The following PMM2 variants were observed in gnomAD, a reference collection of about 807,000 sequenced individuals.
PMM2 encodes phosphomannomutase 2.
Under a neutral mutation model 33.2 loss-of-function variants are expected in PMM2, and 35 were observed. That is an observed-to-expected ratio of 1.06 (90% CI 0.81 to 1.40). PMM2 has a LOEUF of 1.40. Ranked by LOEUF, PMM2 falls within the 40% of genes most tolerant of loss-of-function variation. The probability of loss-of-function intolerance (pLI) is 0.00; values close to 1 mark genes in which losing one functional copy is unlikely to be tolerated. For missense variants in PMM2, 386 were observed against 306.0 expected (o/e 1.26, Z -1.95); for synonymous variants, 153 against 114.7 (o/e 1.33, Z -2.13).
intron 7 of PMM2, chr16:8,832,696 T>C (rs2060817872): frequency 3.0e-6 from 3 of 985,324 alleles, no homozygotes; most frequent in Non-Finnish European, 3.6e-6. Flanking sequence ...AGAAAGATCC[T>C]GTTGTAAAGT....
intron 7 of PMM2, among the ~76,000 whole-genome samples, chr16:8,839,536 TAAAC>T (rs1043390460): frequency 6.6e-6 from 1 of 151,942 alleles, no homozygotes; most frequent in African/African-American, 2.4e-5. Context: ...TGGGTAAAAG[TAAAC>T]AAGAGGAGGG....
At chr16:8,827,244 A>G (rs2060774072) in intron 7 of PMM2, among the ~76,000 whole-genome samples, 1 of 151,820 alleles carries the variant, frequency 6.6e-6, no homozygotes, top group South Asian at 2.1e-4. Context: ...AGGTCCTCTC[A>G]TGTGGGCATT....
chr16:8,806,747 T>A, intron 4 of PMM2: 1 of 336,158 alleles, frequency 3.0e-6, no homozygotes, highest in Non-Finnish European at 5.6e-6. Context: ...ACGTAAATGA[T>A]GGCTTATCCA....
At chr16:8,813,818 T>C (rs967786679) in intron 7 of PMM2, among the ~76,000 whole-genome samples, 6 of 149,610 alleles carry the variant, frequency 4.0e-5, no homozygotes, top group Non-Finnish European at 8.9e-5. Flanking sequence ...AAGAGGAGGC[T>C]CATCACCACC....
chr16:8,800,244 C>T (rs2060605494), intron 1 of PMM2, among the ~76,000 whole-genome samples: 1 of 151,856 alleles, frequency 6.6e-6, no homozygotes, highest in South Asian at 2.1e-4. Context: ...GCCTGTAATC[C>T]TGGCTACCTG....
chr16:8,827,759 T>TGC (rs2060779786), intron 7 of PMM2, among the ~76,000 whole-genome samples: 1 of 75,318 alleles, frequency 1.3e-5, no homozygotes, highest in Non-Finnish European at 2.6e-5. Flanking sequence ...TATATATATA[T>TGC]ATGCACACAT....
At chr16:8,819,637 G>C (rs527740841) in intron 7 of PMM2, among the ~76,000 whole-genome samples, 1 of 151,452 alleles carries the variant, frequency 6.6e-6, no homozygotes, top group South Asian at 2.1e-4. Flanking sequence ...CAAGATTATA[G>C]TGAGCCACGA....
At chr16:8,844,976 A>G (rs530331995) in intron 7 of PMM2, among the ~76,000 whole-genome samples, 42 of 152,352 alleles carry the variant, frequency 2.8e-4, no homozygotes, top group Middle Eastern at 6.8e-3. Context: ...GCAGGAGGAT[A>G]GGGGATTGAT....
At chr16:8,827,761 TGCACAC>T (rs1169591264) in intron 7 of PMM2, among the ~76,000 whole-genome samples, 9 of 69,160 alleles carry the variant, frequency 1.3e-4, no homozygotes, top group African/African-American at 3.8e-4. Context: ...TATATATATA[TGCACAC>T]ATTTATATAT....
intron 2 of PMM2, among the ~76,000 whole-genome samples, chr16:8,804,036 T>TTGTTTTTG (rs1555449109): frequency 8.2e-6 from 1 of 121,304 alleles, no homozygotes; most frequent in African/African-American, 3.1e-5. Context: ...TTTTTGTTTT[T>TTGTTTTTG]TTTTTTTTTT....
chr16:8,839,761 GAGA>G (rs2060876847), intron 7 of PMM2, among the ~76,000 whole-genome samples: 1 of 151,904 alleles, frequency 6.6e-6, no homozygotes, highest in African/African-American at 2.4e-5. Context: ...AAGGAACATC[GAGA>G]AGGTGAAAGA....
intron 7 of PMM2, among the ~76,000 whole-genome samples, chr16:8,833,368 ATT>A (rs1234115955): frequency 6.6e-6 from 1 of 152,088 alleles, no homozygotes; most frequent in Non-Finnish European, 1.5e-5. Context: ...AGTTAAGGCT[ATT>A]TTTACTTTTG....
intron 7 of PMM2, among the ~76,000 whole-genome samples, chr16:8,828,431 A>G (rs1220824491): frequency 6.6e-6 from 1 of 152,158 alleles, no homozygotes; most frequent in Non-Finnish European, 1.5e-5. Context: ...GCAAAGCTTC[A>G]GCTACTGAGC....
At chr16:8,817,014 G>A (rs746591033) in intron 7 of PMM2, among the ~76,000 whole-genome samples, 3 of 152,182 alleles carry the variant, frequency 2.0e-5, no homozygotes, top group Non-Finnish European at 2.9e-5. Flanking sequence ...CAACTCCTGA[G>A]TTCAAGCAAT....
intron 7 of PMM2, among the ~76,000 whole-genome samples, chr16:8,821,091 T>C (rs2060736943): frequency 6.6e-6 from 1 of 152,196 alleles, no homozygotes; most frequent in South Asian, 2.1e-4. Context: ...TAGATCTGTC[T>C]TACTACTTAT....
At chr16:8,812,120 C>G (rs986292095) in intron 6 of PMM2, among the ~76,000 whole-genome samples, 2 of 152,180 alleles carry the variant, frequency 1.3e-5, no homozygotes, top group African/African-American at 2.4e-5. Flanking sequence ...GTTTTGGAAT[C>G]ATAGAATGTT....
rs765433263 is a variant in PMM2 at position 8,806,397 on chromosome 16, C to A, written c.337C>A (p.Pro113Thr). The change falls in exon 4 of 8, where the codon CCG becomes ACG. Residue 113 changes from proline to threonine, a missense_variant. Physicochemically the swap from Pro to Thr is conservative, Grantham distance 38. Coordinates refer to ENST00000268261, the MANE Select transcript of PMM2 (RefSeq NM_000303.3). ...CLSYIAKIKL[P>T]KKRGTFIEFR... Reference sequence around the variant, plus strand: ...GAGCTACATTGCGAAAATTAAACTCCCGAAGAAGAGGTGGGTTTGCTTTTA... The same window carrying A: ...GAGCTACATTGCGAAAATTAAACTCACGAAGAAGAGGTGGGTTTGCTTTTA... 6.2e-7 allele frequency: 1 copy of A among 1,610,132 alleles called. No homozygotes were observed. The highest frequency in any genetic ancestry group is 1.7e-5 in the Admixed American group (1 of 60,014).
intron 7 of PMM2, among the ~76,000 whole-genome samples, chr16:8,841,924 T>C: frequency 6.6e-6 from 1 of 150,484 alleles, no homozygotes. Flanking sequence ...AAAATGGATT[T>C]TGGAAGTTAT....
intron 3 of PMM2, 50 bp downstream of exon 3, chr16:8,804,893 A>T: frequency 8.5e-7 from 1 of 1,179,592 alleles, no homozygotes; most frequent in South Asian, 1.2e-5. Flanking sequence ...AGTGTTTTCT[A>T]AAAGGGCATT....
Sources: gnomAD v4.1 joint callset for allele counts (sites outside exome capture counted in the v4.1 genomes callset) on GRCh38, gnomAD v4.1.1 for gene constraint, MANE v1.5 for transcripts, NCBI Gene and HGNC (gene_info 2026-07-23, HGNC 2026-07-21) for gene names.